The following SPOCK1 variants were observed in gnomAD, a reference collection of about 807,000 sequenced individuals.
The protein encoded by SPOCK1 is SPARC (osteonectin), cwcv and kazal like domains proteoglycan 1.
A neutral mutation model predicts 55.3 loss-of-function variants in SPOCK1; 23 were observed. The ratio of observed to expected loss-of-function variants is 0.42; its 90% confidence interval spans 0.30 to 0.59. The LOEUF is 0.59. SPOCK1 is among the 20% of genes least tolerant of loss of function. The pLI, the probability that SPOCK1 is intolerant of heterozygous loss-of-function variation, is 0.22. For missense variants in SPOCK1, 499 were observed against 552.5 expected (o/e 0.90, Z 0.97); for synonymous variants, 226 against 221.0 (o/e 1.02, Z -0.20).
At chr5:137,152,615 T>C (rs1012782412) in intron 3 of SPOCK1, among the ~76,000 whole-genome samples, 2 of 152,236 alleles carry the variant, frequency 1.3e-5, no homozygotes, top group African/African-American at 4.8e-5. Flanking sequence ...CAAAATTCTT[T>C]CCACCGGAGG....
At chr5:137,222,472 C>T (rs1436353456) in intron 3 of SPOCK1, among the ~76,000 whole-genome samples, 1 of 152,142 alleles carries the variant, frequency 6.6e-6, no homozygotes, top group South Asian at 2.1e-4. Context: ...AAATAAGACC[C>T]TCAATTAAAG....
chr5:137,421,908 T>C (rs1752506948), intron 2 of SPOCK1, among the ~76,000 whole-genome samples: 1 of 152,260 alleles, frequency 6.6e-6, no homozygotes, highest in Admixed American at 6.5e-5. Flanking sequence ...GTCTTTACAA[T>C]TTGGCATGTT....
At chr5:137,300,418 A>T (rs1404629619) in intron 2 of SPOCK1, among the ~76,000 whole-genome samples, 1 of 152,180 alleles carries the variant, frequency 6.6e-6, no homozygotes, top group African/African-American at 2.4e-5. Flanking sequence ...GTTTCTTCAC[A>T]TGCCTAGCGA....
chr5:137,123,171 A>C (rs1342597218), intron 4 of SPOCK1, among the ~76,000 whole-genome samples: 1 of 152,228 alleles, frequency 6.6e-6, no homozygotes, highest in East Asian at 1.9e-4. Flanking sequence ...CCCCTGCTCA[A>C]GAAGTTTCTT....
intron 2 of SPOCK1, among the ~76,000 whole-genome samples, chr5:137,438,257 G>T (rs187962161): frequency 6.0e-4 from 91 of 152,102 alleles, no homozygotes; most frequent in African/African-American, 2.2e-3. Flanking sequence ...CTGCCCTCAA[G>T]GAGAGATGGG....
At chr5:137,083,197 T>C (rs1752903465) in intron 5 of SPOCK1, among the ~76,000 whole-genome samples, 1 of 152,128 alleles carries the variant, frequency 6.6e-6, no homozygotes. Context: ...CCACAGATAA[T>C]TAAGCTTATC....
Position 137,112,422 on chromosome 5 carries a change from C to T in SPOCK1, c.474+13G>A, listed in dbSNP as rs200417525. ...AAGTATTTTTGATAACATAAAAAGACAAGAAAACCAACCTTGGATGTGTAG... is the reference window on the plus strand; with the variant it reads ...AAGTATTTTTGATAACATAAAAAGATAAGAAAACCAACCTTGGATGTGTAG... On this transcript the variant is annotated intron_variant, in intron 5 of 10. Transcript: ENST00000394945. 3 of 1,608,388 alleles carry T rather than the reference C, an allele frequency of 1.9e-6. 1 individual carries two copies. In the South Asian group the frequency reaches 3.3e-5, roughly 18 times the overall value.
At chr5:137,399,240 T>C (rs959488549) in intron 2 of SPOCK1, among the ~76,000 whole-genome samples, 1 of 152,218 alleles carries the variant, frequency 6.6e-6, no homozygotes, top group South Asian at 2.1e-4. Context: ...TAACTAATAC[T>C]GAGGACTAGG....
At chr5:137,294,962 A>G (rs917704734) in intron 2 of SPOCK1, among the ~76,000 whole-genome samples, 1 of 152,072 alleles carries the variant, frequency 6.6e-6, no homozygotes, top group South Asian at 2.1e-4. Flanking sequence ...TTCCACCCCC[A>G]TGATCTCCTA....
intron 2 of SPOCK1, among the ~76,000 whole-genome samples, chr5:137,456,480 T>A (rs933045987): frequency 6.6e-6 from 1 of 152,200 alleles, no homozygotes; most frequent in Non-Finnish European, 1.5e-5. Context: ...TGCTAAAGAA[T>A]CTTGGTAATT....
At chr5:137,318,497 G>C (rs1160328052) in intron 2 of SPOCK1, among the ~76,000 whole-genome samples, 4 of 152,156 alleles carry the variant, frequency 2.6e-5, no homozygotes, top group Admixed American at 6.5e-5. Context: ...AGTCTCCTGG[G>C]AATCCCTCTC....
chr5:137,400,193 G>C lies in SPOCK1; in HGVS notation c.186+98180C>G, dbSNP rs546120698. Among the ~76,000 whole-genome samples, 6 of 152,248 alleles carry C rather than the reference G, an allele frequency of 3.9e-5. No individual in the cohort carries two copies. In the South Asian group the frequency reaches 1.2e-3, roughly 32 times the overall value. On this transcript the variant is annotated intron_variant, in intron 2 of 10. Coordinates refer to ENST00000394945, the MANE Select transcript of SPOCK1 (RefSeq NM_004598.4). ...GATCACTGTAGCTTCTGGCCAGCTC[G>C]AGTGATCACCAGACCATAGTGTGGA...
chr5:137,252,776 C>T (rs1756560565), intron 3 of SPOCK1, among the ~76,000 whole-genome samples: 1 of 152,174 alleles, frequency 6.6e-6, no homozygotes, highest in Admixed American at 6.5e-5. Flanking sequence ...ATCTGGCATG[C>T]ACTTCAATTT....
chr5:137,346,715 A>G (rs1750565410), intron 2 of SPOCK1, among the ~76,000 whole-genome samples: 2 of 152,222 alleles, frequency 1.3e-5, no homozygotes, highest in East Asian at 1.9e-4. Flanking sequence ...CGTTCTCCCA[A>G]AAAGGAGTTT....
At chr5:137,128,412 G>A (rs957513661) in intron 4 of SPOCK1, among the ~76,000 whole-genome samples, 6 of 152,214 alleles carry the variant, frequency 3.9e-5, no homozygotes, top group African/African-American at 1.4e-4. Context: ...TGTGAGATTA[G>A]CAAGGATTGT....
chr5:137,420,659 G>T (rs1344656696), intron 2 of SPOCK1, among the ~76,000 whole-genome samples: 3 of 152,044 alleles, frequency 2.0e-5, no homozygotes, highest in Non-Finnish European at 2.9e-5. Flanking sequence ...TTATCATTTT[G>T]TATTGTGTCT....
chr5:137,334,977 G>A (rs1017383472), intron 2 of SPOCK1, among the ~76,000 whole-genome samples: 7 of 152,142 alleles, frequency 4.6e-5, no homozygotes, highest in Non-Finnish European at 1.0e-4. Flanking sequence ...AACTACCTGT[G>A]GAGAGATTTC....
intron 5 of SPOCK1, among the ~76,000 whole-genome samples, chr5:137,103,328 A>G (rs1753306929): frequency 6.6e-6 from 1 of 152,228 alleles, no homozygotes; most frequent in African/African-American, 2.4e-5. Flanking sequence ...TTGGCTGGAT[A>G]CATTGCTGCC....
At chr5:137,242,185 T>C (rs555866936) in intron 3 of SPOCK1, among the ~76,000 whole-genome samples, 3 of 152,288 alleles carry the variant, frequency 2.0e-5, no homozygotes, top group Admixed American at 6.5e-5. Flanking sequence ...CTGGTGGATA[T>C]GGCAAAACCC....
Sources: gnomAD v4.1 joint callset for allele counts (sites outside exome capture counted in the v4.1 genomes callset) on GRCh38, gnomAD v4.1.1 for gene constraint, MANE v1.5 for transcripts, NCBI Gene and HGNC (gene_info 2026-07-23, HGNC 2026-07-21) for gene names.